Variants in CDH8 observed in about 807,000 individuals in gnomAD.
CDH8 encodes the protein cadherin-8.
Under a neutral mutation model 68.1 loss-of-function variants are expected in CDH8, and 17 were observed. The observed-to-expected ratio is 0.25, with a 90% CI of 0.17 to 0.37. The LOEUF (loss-of-function observed/expected upper bound fraction) is 0.37. Ranked by LOEUF, CDH8 falls within the 10% of genes least tolerant of loss-of-function variation. CDH8 has a pLI of 1.00. For missense variants in CDH8, 763 were observed against 999.3 expected (o/e 0.76, Z 3.19); for synonymous variants, 372 against 365.1 (o/e 1.02, Z -0.21).
At chr16:61,750,746 C>G (rs1406090829) in intron 8 of CDH8, among the ~76,000 whole-genome samples, 1 of 152,126 alleles carries the variant, frequency 6.6e-6, no homozygotes, top group Non-Finnish European at 1.5e-5. Flanking sequence ...TGTAGTTTCT[C>G]ATGCTAATAT....
intron 7 of CDH8, among the ~76,000 whole-genome samples, chr16:61,791,200 C>T (rs776263366): frequency 1.3e-5 from 2 of 152,036 alleles, no homozygotes; most frequent in Admixed American, 6.6e-5. Flanking sequence ...TCACTCCCAT[C>T]CCCAATCCCC....
intron 2 of CDH8, among the ~76,000 whole-genome samples, chr16:62,017,289 T>C (rs745404020): frequency 6.6e-6 from 1 of 152,024 alleles, no homozygotes; most frequent in Non-Finnish European, 1.5e-5. Context: ...ATAATGATTA[T>C]CAGGAAGAAA....
intron 4 of CDH8, among the ~76,000 whole-genome samples, chr16:61,833,656 C>T (rs1962509135): frequency 6.6e-6 from 1 of 151,874 alleles, no homozygotes; most frequent in African/African-American, 2.4e-5. Context: ...GTATTCTACA[C>T]AGCATATGCC....
intron 2 of CDH8, among the ~76,000 whole-genome samples, chr16:61,925,115 T>C (rs140651244): frequency 1.7e-4 from 26 of 152,260 alleles, no homozygotes; most frequent in African/African-American, 6.0e-4. Context: ...ATAATTACAA[T>C]ATATGTGTGA....
intron 10 of CDH8, among the ~76,000 whole-genome samples, chr16:61,661,202 C>T (rs960856199): frequency 1.4e-4 from 21 of 151,628 alleles, no homozygotes; most frequent in South Asian, 2.1e-4. Flanking sequence ...AATAAAACAA[C>T]GAGGCAGAAA....
intron 4 of CDH8, among the ~76,000 whole-genome samples, chr16:61,829,101 T>C (rs1389310558): frequency 6.6e-6 from 1 of 151,872 alleles, no homozygotes; most frequent in Non-Finnish European, 1.5e-5. Flanking sequence ...TGGCTTTTTG[T>C]TAGGCTCCAC....
At chr16:61,932,394 A>G (rs1034582766) in intron 2 of CDH8, among the ~76,000 whole-genome samples, 2 of 152,174 alleles carry the variant, frequency 1.3e-5, no homozygotes, top group African/African-American at 4.8e-5. Context: ...GTGTGTTAAG[A>G]GTGTATATAT....
At chr16:61,782,718 C>A (rs1428447666) in intron 8 of CDH8, among the ~76,000 whole-genome samples, 1 of 152,184 alleles carries the variant, frequency 6.6e-6, no homozygotes, top group Non-Finnish European at 1.5e-5. Context: ...AGCAGTGGGT[C>A]TCCCAGCATG....
intron 7 of CDH8, among the ~76,000 whole-genome samples, chr16:61,793,722 C>A (rs1275054448): frequency 6.6e-6 from 1 of 151,896 alleles, no homozygotes; most frequent in African/African-American, 2.4e-5. Flanking sequence ...CTATGCATGC[C>A]TGTGTCTTTA....
At chr16:61,685,344 A>G (rs948941259) in intron 10 of CDH8, among the ~76,000 whole-genome samples, 8 of 152,038 alleles carry the variant, frequency 5.3e-5, no homozygotes, top group South Asian at 2.1e-4. Context: ...AAGCTCATTG[A>G]AGATCTGATT....
intron 3 of CDH8, among the ~76,000 whole-genome samples, chr16:61,876,172 G>T (rs1963456360): frequency 6.6e-6 from 1 of 152,114 alleles, no homozygotes; most frequent in Non-Finnish European, 1.5e-5. Context: ...ACTGTGCCCG[G>T]CCAGGTTTTC....
At chr16:61,752,282 A>T (rs2142950428) in intron 8 of CDH8, among the ~76,000 whole-genome samples, 1 of 152,306 alleles carries the variant, frequency 6.6e-6, no homozygotes, top group South Asian at 2.1e-4. Context: ...CTCTAAAAGA[A>T]GGGCATGGTT....
intron 2 of CDH8, among the ~76,000 whole-genome samples, chr16:62,015,622 T>C (rs977191812): frequency 6.6e-6 from 1 of 152,190 alleles, no homozygotes; most frequent in African/African-American, 2.4e-5. Context: ...CCTAGTTCTC[T>C]GTGTTTCAGC....
intron 2 of CDH8, among the ~76,000 whole-genome samples, chr16:61,929,186 GGCGT>G (rs1480462776): frequency 1.3e-5 from 2 of 152,178 alleles, no homozygotes; most frequent in Non-Finnish European, 2.9e-5. Flanking sequence ...TGGGATTACA[GGCGT>G]GAGCCACAGC....
At chr16:61,933,409 T>A (rs1187391363) in intron 2 of CDH8, among the ~76,000 whole-genome samples, 1 of 152,178 alleles carries the variant, frequency 6.6e-6, no homozygotes, top group Non-Finnish European at 1.5e-5. Context: ...TTGGAGAAAC[T>A]AACAAATGAT....
chr16:61,864,704 GAGATTT>G (rs1487248884), intron 3 of CDH8, among the ~76,000 whole-genome samples: 1 of 152,094 alleles, frequency 6.6e-6, no homozygotes, highest in Non-Finnish European at 1.5e-5. Flanking sequence ...CCTGGATATG[GAGATTT>G]CATCCCCAGC....
chr16:61,810,513 G>C (rs559990582), intron 7 of CDH8, among the ~76,000 whole-genome samples: 32 of 152,048 alleles, frequency 2.1e-4, no homozygotes, highest in African/African-American at 7.7e-4. Flanking sequence ...AGGAAATGAA[G>C]GGAGAATAAA....
chr16:61,751,874 C>A (rs1306558240), intron 8 of CDH8, among the ~76,000 whole-genome samples: 4 of 152,000 alleles, frequency 2.6e-5, no homozygotes, highest in African/African-American at 9.7e-5. Context: ...TAGGTATTAG[C>A]CAATATTCTT....
rs75596470 is a variant in CDH8, at chr16:61,923,366, C to T, written c.253-21893G>A. On this transcript the variant is annotated intron_variant, in intron 2 of 11. Coordinates refer to ENST00000577390, the MANE Select transcript of CDH8 (RefSeq NM_001796.5). ...CTAAAATTAATTGATAATGGACATC[C>T]GCACTCAATCTTTTTAGTCCTCAGT... Among the ~76,000 whole-genome samples, 1,406 of 152,100 alleles carry T rather than the reference C, an allele frequency of 9.2e-3. 25 individuals carry two copies. Among genetic ancestry groups the T allele is most frequent in the African/African-American group, 0.031 (1,301 of 41,504 alleles).
Sources: allele counts gnomAD v4.1 joint callset (sites outside exome capture counted in the v4.1 genomes callset), GRCh38; gene constraint gnomAD v4.1.1; transcripts MANE v1.5; gene names NCBI Gene and HGNC (gene_info 2026-07-23, HGNC 2026-07-21).